GPR158: variants seen among roughly 807,000 people sequenced by gnomAD.
GPR158 encodes the protein G protein-coupled receptor 158.
In GPR158, 30 loss-of-function variants were observed where a neutral mutation model predicts 78.2. That is an observed-to-expected ratio of 0.38 (90% CI 0.29 to 0.52). The LOEUF is 0.52. Among genes scored for constraint, GPR158 ranks in the 20% least tolerant of loss-of-function variants. The pLI, the probability that GPR158 is intolerant of heterozygous loss-of-function variation, is 0.83. For synonymous variants in GPR158, 581 were observed against 591.1 expected, an observed-to-expected ratio of 0.98 and a Z score of 0.25; for missense variants, 1,463 against 1,523.5, an observed-to-expected ratio of 0.96 and a Z score of 0.66.
intron 2 of GPR158, among the ~76,000 whole-genome samples, chr10:25,250,497 AT>A (rs1251429386): frequency 6.9e-6 from 1 of 145,818 alleles, no homozygotes; most frequent in African/African-American, 2.6e-5. Context: ...TGTCCCAGAG[AT>A]TCTGGTATGT....
chr10:25,338,486 G>A lies in GPR158; in HGVS notation c.1009-57425G>A, dbSNP rs558116330. Among the ~76,000 whole-genome samples, 7 of 124,678 alleles carry A rather than the reference G, an allele frequency of 5.6e-5. No individual in the cohort carries two copies. The South Asian group carries it at 7.1e-4, about 13-fold the overall frequency. 81.8% of individuals were successfully genotyped at this position (124,678 alleles called of 152,430 possible). The stretch of plus-strand genomic sequence containing the variant: ...TACGTATATTATACGTATAATATAC[G>A]TATAATATACGTATATATATTACGT... On this transcript the variant is annotated intron_variant, in intron 2 of 10. Coordinates refer to ENST00000376351, the MANE Select transcript of GPR158 (RefSeq NM_020752.3).
chr10:25,400,438 A>C (rs1834428433), intron 3 of GPR158, among the ~76,000 whole-genome samples: 4 of 152,218 alleles, frequency 2.6e-5, no homozygotes, highest in African/African-American at 9.6e-5. Flanking sequence ...ACCGAGGCCC[A>C]CAGTAAACAA....
chr10:25,393,330 T>G (rs1001499403), intron 2 of GPR158, among the ~76,000 whole-genome samples: 2 of 152,226 alleles, frequency 1.3e-5, no homozygotes, highest in Non-Finnish European at 2.9e-5. Context: ...AACCTCTGAA[T>G]TTCAGCAAGG....
intron 2 of GPR158, among the ~76,000 whole-genome samples, chr10:25,250,782 A>G (rs1459953777): frequency 6.9e-6 from 1 of 145,662 alleles, no homozygotes; most frequent in African/African-American, 2.6e-5. Flanking sequence ...AAAAAAATGT[A>G]TATTCTGTTG....
At chr10:25,369,471 T>G (rs113071877) in intron 2 of GPR158, among the ~76,000 whole-genome samples, 19,647 of 145,684 alleles carry the variant, frequency 0.13, 1,433 homozygotes, top group African/African-American at 0.23. Flanking sequence ...GGATTACATT[T>G]ATTGATTTGC....
At chr10:25,322,248 G>A (rs1854960535) in intron 2 of GPR158, among the ~76,000 whole-genome samples, 4 of 152,138 alleles carry the variant, frequency 2.6e-5, no homozygotes, top group Admixed American at 2.6e-4. Flanking sequence ...AGGCATAGTG[G>A]CAGGCACCTG....
At chr10:25,278,996 C>T (rs1041782873) in intron 2 of GPR158, among the ~76,000 whole-genome samples, 2 of 151,776 alleles carry the variant, frequency 1.3e-5, no homozygotes, top group Non-Finnish European at 2.9e-5. Flanking sequence ...AAATTATGAG[C>T]TTTAAATATG....
At chr10:25,227,354 C>T (rs776288703) in intron 2 of GPR158, among the ~76,000 whole-genome samples, 1 of 152,168 alleles carries the variant, frequency 6.6e-6, no homozygotes, top group East Asian at 1.9e-4. Context: ...TCTTTGTTGT[C>T]TAGACATCTC....
At chr10:25,522,309 G>A (rs1274653869) in intron 5 of GPR158, among the ~76,000 whole-genome samples, 2 of 152,192 alleles carry the variant, frequency 1.3e-5, no homozygotes, top group African/African-American at 4.8e-5. Context: ...TGCTTGGCAT[G>A]GTCAGGGAAT....
intron 5 of GPR158, among the ~76,000 whole-genome samples, chr10:25,472,318 C>T (rs978218228): frequency 1.3e-5 from 2 of 151,930 alleles, no homozygotes; most frequent in Non-Finnish European, 2.9e-5. Context: ...TTCCATTGGT[C>T]TATATCTCTG....
rs149674171 is a variant in GPR158 at position 25,597,950 on chromosome 10, A to G, written c.2324A>G (p.Glu775Gly). 4.0e-4 allele frequency: 639 copies of G among 1,613,904 alleles called. 1 individual carries two copies. The highest frequency in any genetic ancestry group is 8.7e-4 in the South Asian group (79 of 91,046). ...VSRQCSKEDKEGADHGTAKGT... is the reference protein window; with the variant it reads ...VSRQCSKEDKGGADHGTAKGT... The stretch of plus-strand genomic sequence containing the variant: ...CGGCAGTGCTCTAAAGAGGACAAGG[A>G]GGGCGCCGACCATGGCACAGCCAAA... The change falls in exon 11 of 11, where the codon GAG becomes GGG. Residue 775 changes from glutamate (E) to glycine (G), a missense_variant. Physicochemically the swap from Glu to Gly is moderately conservative, Grantham distance 98 (BLOSUM62 -2). Transcript: ENST00000376351.
chr10:25,346,055 C>T (rs1477779333), intron 2 of GPR158, among the ~76,000 whole-genome samples: 1 of 151,956 alleles, frequency 6.6e-6, no homozygotes, highest in Admixed American at 6.6e-5. Context: ...GACCTCAAGC[C>T]TGGAGCTGAG....
At chr10:25,443,744 T>G (rs1835100784) in intron 4 of GPR158, among the ~76,000 whole-genome samples, 1 of 150,188 alleles carries the variant, frequency 6.7e-6, no homozygotes, top group Non-Finnish European at 1.5e-5. Context: ...ATGCCCTTCT[T>G]TTTTTTGGTG....
intron 3 of GPR158, 83 bp downstream of exon 3, chr10:25,396,096 G>A: frequency 4.9e-6 from 3 of 609,748 alleles, no homozygotes; most frequent in Non-Finnish European, 8.6e-6. Flanking sequence ...TATCCTTGTT[G>A]GAGTTATATG....
chr10:25,259,525 A>G (rs1321529535), intron 2 of GPR158, among the ~76,000 whole-genome samples: 1 of 152,108 alleles, frequency 6.6e-6, no homozygotes, highest in African/African-American at 2.4e-5. Context: ...AAGATTTGCT[A>G]TCTGGCAGAG....
At chr10:25,567,594 A>G (rs912614671) in intron 6 of GPR158, among the ~76,000 whole-genome samples, 5 of 152,060 alleles carry the variant, frequency 3.3e-5, no homozygotes, top group African/African-American at 1.2e-4. Flanking sequence ...AGGTGGGAGG[A>G]GGGATGGTGA....
rs556190097 is a variant in GPR158 at position 25,324,209 on chromosome 10, G to T, written c.1009-71702G>T. ...CTAACTGTTTCGCACGAGAGGCCTGGCTTTCAGCCTATCTTGGCTTTTGAC... is the reference window on the plus strand; with the variant it reads ...CTAACTGTTTCGCACGAGAGGCCTGTCTTTCAGCCTATCTTGGCTTTTGAC... On this transcript the variant is annotated intron_variant, in intron 2 of 10. Transcript: ENST00000376351. 3.9e-5 allele frequency among the ~76,000 whole-genome samples: 6 copies of T among 152,340 alleles called. No homozygotes were observed. In the East Asian group the frequency reaches 1.2e-3, roughly 29 times the overall value.
At chr10:25,304,423 CAGA>C (rs1479409733) in intron 2 of GPR158, among the ~76,000 whole-genome samples, 1 of 152,004 alleles carries the variant, frequency 6.6e-6, no homozygotes, top group Non-Finnish European at 1.5e-5. Flanking sequence ...ATTCTGGCTC[CAGA>C]AGAAGAGAGC....
chr10:25,472,507 T>C (rs7075106), intron 5 of GPR158, among the ~76,000 whole-genome samples: 2 of 151,882 alleles, frequency 1.3e-5, no homozygotes, highest in Non-Finnish European at 2.9e-5. Flanking sequence ...AAGAAAGTCA[T>C]TGGTAGCTGG....
Sources: allele counts gnomAD v4.1 joint callset (sites outside exome capture counted in the v4.1 genomes callset), GRCh38; gene constraint gnomAD v4.1.1; transcripts MANE v1.5; gene names NCBI Gene and HGNC (gene_info 2026-07-23, HGNC 2026-07-21).